The following RBFOX1 variants were observed in gnomAD, a reference collection of about 807,000 sequenced individuals.
The protein encoded by RBFOX1 is RNA binding fox-1 homolog 1, also known as RNA binding protein fox-1 homolog 1.
A neutral mutation model predicts 57.7 loss-of-function variants in RBFOX1; 8 were observed. That is an observed-to-expected ratio of 0.14 (90% CI 0.08 to 0.25). RBFOX1 has a LOEUF of 0.25. Ranked by LOEUF, RBFOX1 falls within the 10% of genes least tolerant of loss-of-function variation. RBFOX1 has a pLI of 1.00. For missense variants in RBFOX1, 611 were observed against 548.5 expected (o/e 1.11, Z -1.14); for synonymous variants, 326 against 222.4 (o/e 1.47, Z -4.15).
intron 4 of RBFOX1, among the ~76,000 whole-genome samples, chr16:5,898,877 TAGTG>T (rs2058233229): frequency 6.8e-6 from 1 of 147,788 alleles, no homozygotes; most frequent in African/African-American, 2.5e-5. Context: ...CTGGGCAACA[TAGTG>T]AGTCTCCATC....
At chr16:7,207,047 T>G (rs1303015997) in intron 4 of RBFOX1, among the ~76,000 whole-genome samples, 2 of 152,126 alleles carry the variant, frequency 1.3e-5, no homozygotes, top group Non-Finnish European at 2.9e-5. Context: ...CTTCAAGGGC[T>G]TTATGGAAAT....
intron 2 of RBFOX1, among the ~76,000 whole-genome samples, chr16:6,627,325 T>G (rs988411023): frequency 1.3e-5 from 2 of 152,154 alleles, no homozygotes; most frequent in African/African-American, 4.8e-5. Flanking sequence ...CCTTACCTAC[T>G]CTAGGTGAGC....
chr16:7,548,627 G>T (rs2085332554), intron 5 of RBFOX1, among the ~76,000 whole-genome samples: 1 of 152,202 alleles, frequency 6.6e-6, no homozygotes, highest in Non-Finnish European at 1.5e-5. Context: ...ATGCTCTGGG[G>T]CAGGAGCGGG....
At chr16:6,757,720 T>C (rs2076025328) in intron 3 of RBFOX1, among the ~76,000 whole-genome samples, 2 of 152,150 alleles carry the variant, frequency 1.3e-5, no homozygotes, top group African/African-American at 4.8e-5. Flanking sequence ...TGAGTTCTAG[T>C]GTTCCACAGC....
At chr16:7,037,457 C>A (rs1394167908) in intron 3 of RBFOX1, among the ~76,000 whole-genome samples, 1 of 151,970 alleles carries the variant, frequency 6.6e-6, no homozygotes, top group Non-Finnish European at 1.5e-5. Context: ...TGCTCTGGTT[C>A]ATAAACCTCT....
At chr16:7,060,114 T>A (rs2053790482) in intron 4 of RBFOX1, among the ~76,000 whole-genome samples, 1 of 152,176 alleles carries the variant, frequency 6.6e-6, no homozygotes, top group African/African-American at 2.4e-5. Context: ...TTAACAAACT[T>A]TAAACTTTTT....
chr16:5,322,076 A>G (rs1261362151), intron 1 of RBFOX1, among the ~76,000 whole-genome samples: 1 of 152,182 alleles, frequency 6.6e-6, no homozygotes, highest in East Asian at 1.9e-4. Flanking sequence ...ACAAGGCCTC[A>G]AAAATATAAC....
intron 4 of RBFOX1, among the ~76,000 whole-genome samples, chr16:7,330,777 A>T (rs1407728106): frequency 6.6e-6 from 1 of 152,074 alleles, no homozygotes; most frequent in African/African-American, 2.4e-5. Context: ...CTAAAGAGAC[A>T]ATTTGATCTG....
chr16:6,294,584 A>G (rs2077857994), intron 1 of RBFOX1, among the ~76,000 whole-genome samples: 1 of 152,226 alleles, frequency 6.6e-6, no homozygotes, highest in Admixed American at 6.5e-5. Context: ...CTAATCCGTC[A>G]GCAATTCCTG....
rs1451084789 is a variant in RBFOX1, at chr16:5,799,064, GTT to G, written c.319-68236_319-68235del. Among the ~76,000 whole-genome samples the G allele has an allele frequency of 2.0e-5, 3 of 152,260 alleles. No individual in the cohort carries two copies. The South Asian group carries it at 6.2e-4, about 32-fold the overall frequency. On this transcript the variant is annotated intron_variant, in intron 3 of 19. Transcript: ENST00000641259. ...ACTGGGTAATTTGTAAAGAAAAAGAGTTTTCATGGACTCACAGTTGCACATGG... is the reference window on the plus strand; with the variant it reads ...ACTGGGTAATTTGTAAAGAAAAAGAGTTCATGGACTCACAGTTGCACATGG...
At chr16:6,678,864 T>G (rs1382200844) in intron 3 of RBFOX1, among the ~76,000 whole-genome samples, 1 of 152,102 alleles carries the variant, frequency 6.6e-6, no homozygotes, top group Non-Finnish European at 1.5e-5. Flanking sequence ...ATGGGTGGTT[T>G]ATCGCATTGT....
At chr16:6,820,499 G>T (rs2091082244) in intron 3 of RBFOX1, among the ~76,000 whole-genome samples, 1 of 152,000 alleles carries the variant, frequency 6.6e-6, no homozygotes, top group Non-Finnish European at 1.5e-5. Context: ...TACAGAAAAA[G>T]TTTTTAAAAA....
At chr16:7,297,348 A>T (rs993918441) in intron 4 of RBFOX1, among the ~76,000 whole-genome samples, 1 of 152,190 alleles carries the variant, frequency 6.6e-6, no homozygotes, top group African/African-American at 2.4e-5. Flanking sequence ...CCAGAAACAT[A>T]TGCAGGTTTC....
chr16:6,579,277 C>T (rs11649272), intron 2 of RBFOX1, among the ~76,000 whole-genome samples: 62,005 of 151,640 alleles, frequency 0.41, 14,189 homozygotes, highest in East Asian at 0.66. Context: ...AGTTATCGCT[C>T]TCTGTAGGCT....
In RBFOX1 at chr16:5,609,391, A is replaced by G. The variant is rs529364969; in HGVS notation, c.318+10430A>G. Among the ~76,000 whole-genome samples the G allele has an allele frequency of 2.0e-5, 3 of 152,266 alleles. No individual in the cohort carries two copies. The East Asian group carries it at 5.8e-4, about 30-fold the overall frequency. On this transcript the variant is annotated intron_variant, in intron 3 of 19. Transcript: ENST00000641259. ...GTCGCTTGTCTGAGACAGGAGTGGA[A>G]TGTGAATGCCTGTCACCTTCCACTC...
intron 4 of RBFOX1, among the ~76,000 whole-genome samples, chr16:7,143,290 T>C (rs1271000945): frequency 1.3e-5 from 2 of 152,012 alleles, no homozygotes; most frequent in Non-Finnish European, 2.9e-5. Flanking sequence ...TGCGTCCAAC[T>C]GTTTTCCAGC....
chr16:6,838,577 C>T (rs1019768574), intron 3 of RBFOX1, among the ~76,000 whole-genome samples: 1 of 152,206 alleles, frequency 6.6e-6, no homozygotes, highest in African/African-American at 2.4e-5. Flanking sequence ...AGGTAGTCCT[C>T]TTCTGCTGCC....
intron 3 of RBFOX1, among the ~76,000 whole-genome samples, chr16:6,760,872 C>A (rs2076503710): frequency 6.6e-6 from 1 of 152,100 alleles, no homozygotes; most frequent in Non-Finnish European, 1.5e-5. Flanking sequence ...GTCAATGCCA[C>A]CCACCAGAAT....
At chr16:6,084,878 T>G (rs2096062556) in intron 1 of RBFOX1, among the ~76,000 whole-genome samples, 1 of 152,194 alleles carries the variant, frequency 6.6e-6, no homozygotes, top group South Asian at 2.1e-4. Context: ...TGACTTGAAG[T>G]GGCTAATGGC....
Sources: allele counts gnomAD v4.1 joint callset (sites outside exome capture counted in the v4.1 genomes callset), GRCh38; gene constraint gnomAD v4.1.1; transcripts MANE v1.5; gene names NCBI Gene and HGNC (gene_info 2026-07-23, HGNC 2026-07-21).